Variants in PTPRD observed in about 807,000 individuals in gnomAD.
PTPRD encodes the protein receptor-type tyrosine-protein phosphatase delta.
PTPRD carries 34 observed loss-of-function variants against 214.5 expected under a neutral mutation model. The ratio of observed to expected loss-of-function variants is 0.16; its 90% confidence interval spans 0.12 to 0.21. The LOEUF (loss-of-function observed/expected upper bound fraction) is 0.21. PTPRD is among the 10% of genes least tolerant of loss of function. The pLI, the probability that PTPRD is intolerant of heterozygous loss-of-function variation, is 1.00. For missense variants in PTPRD, 2,545 were observed against 2,398.7 expected (o/e 1.06, Z -1.27); for synonymous variants, 1,128 against 845.7 (o/e 1.33, Z -5.79).
chr9:10,605,790 C>G (rs1392251159), intron 2 of PTPRD, among the ~76,000 whole-genome samples: 1 of 151,768 alleles, frequency 6.6e-6, no homozygotes, highest in Non-Finnish European at 1.5e-5. Context: ...TGGGTAGTTT[C>G]AAATTGCTAG....
At chr9:8,772,403 A>C (rs1297398942) in intron 11 of PTPRD, among the ~76,000 whole-genome samples, 3 of 152,116 alleles carry the variant, frequency 2.0e-5, no homozygotes, top group Non-Finnish European at 4.4e-5. Context: ...AAAGAAGTAC[A>C]GTTAAAAACC....
At chr9:8,853,258 T>G (rs1016737165) in intron 11 of PTPRD, among the ~76,000 whole-genome samples, 1 of 152,178 alleles carries the variant, frequency 6.6e-6, no homozygotes, top group African/African-American at 2.4e-5. Flanking sequence ...CATTTGCTCT[T>G]TGACCTTCCT....
intron 10 of PTPRD, among the ~76,000 whole-genome samples, chr9:9,081,480 G>C (rs1408773149): frequency 1.3e-5 from 2 of 152,068 alleles, no homozygotes; most frequent in Non-Finnish European, 2.9e-5. Context: ...TGTTGATTTT[G>C]GGTGGAGAAT....
intron 11 of PTPRD, among the ~76,000 whole-genome samples, chr9:8,836,302 G>C (rs958159852): frequency 7.2e-5 from 11 of 152,060 alleles, no homozygotes; most frequent in African/African-American, 2.7e-4. Context: ...CAAACTACAA[G>C]ATATGCTCTA....
In PTPRD at chr9:8,520,851, CT is replaced by C. The variant is rs554867477; in HGVS notation, c.961+425del. Among the ~76,000 whole-genome samples, 900 of 151,586 alleles carry C rather than the reference CT, an allele frequency of 5.9e-3. 10 individuals carry two copies. Among genetic ancestry groups the C allele is most frequent in the African/African-American group, 0.019 (795 of 41,380 alleles). Reference sequence around the variant, plus strand: ...TATTACTAGACTATGTTGATTTCAACTTTTTTTTTCTTCTTTTTCCTTTGTA... The same window carrying C: ...TATTACTAGACTATGTTGATTTCAACTTTTTTTTCTTCTTTTTCCTTTGTA... On this transcript the variant is annotated intron_variant, in intron 20 of 45. Transcript: ENST00000381196.
At chr9:9,863,774 CTT>C (rs1018520062) in intron 5 of PTPRD, among the ~76,000 whole-genome samples, 1 of 151,654 alleles carries the variant, frequency 6.6e-6, no homozygotes, top group Non-Finnish European at 1.5e-5. Flanking sequence ...AAGACACTCT[CTT>C]TTGTCTGTGA....
At chr9:8,496,211 A>AAAC (rs2097266839) in intron 26 of PTPRD, among the ~76,000 whole-genome samples, 83 of 91,520 alleles carry the variant, frequency 9.1e-4, no homozygotes, top group South Asian at 3.5e-3. Flanking sequence ...CACACACACA[A>AAAC]ACACACACAC....
intron 12 of PTPRD, among the ~76,000 whole-genome samples, chr9:8,707,980 C>T (rs921030035): frequency 3.9e-5 from 6 of 152,160 alleles, no homozygotes; most frequent in Middle Eastern, 3.4e-3. Flanking sequence ...TCAAACTTGC[C>T]CATGGATAAA....
At chr9:9,318,108 T>G (rs1964310599) in intron 9 of PTPRD, among the ~76,000 whole-genome samples, 1 of 151,108 alleles carries the variant, frequency 6.6e-6, no homozygotes, top group Non-Finnish European at 1.5e-5. Context: ...GATGCGGAGG[T>G]TGCAGTAAGC....
intron 2 of PTPRD, among the ~76,000 whole-genome samples, chr9:10,386,221 C>A (rs1422129899): frequency 1.3e-5 from 2 of 151,784 alleles, no homozygotes; most frequent in African/African-American, 4.8e-5. Flanking sequence ...GTGGAAGAAC[C>A]ACCAACACAC....
chr9:8,494,463 C>A (rs532959157), intron 26 of PTPRD, among the ~76,000 whole-genome samples: 1 of 152,110 alleles, frequency 6.6e-6, no homozygotes. Context: ...TACCCAAGAG[C>A]AGTATTTTAA....
intron 9 of PTPRD, among the ~76,000 whole-genome samples, chr9:9,248,175 C>A (rs572269268): frequency 1.3e-5 from 2 of 152,120 alleles, no homozygotes; most frequent in South Asian, 2.1e-4. Context: ...TCACTGCAAC[C>A]TTTAACTCCC....
intron 10 of PTPRD, among the ~76,000 whole-genome samples, chr9:9,167,092 G>A (rs765155439): frequency 3.9e-5 from 6 of 152,070 alleles, no homozygotes; most frequent in African/African-American, 1.4e-4. Context: ...TCACATTGTT[G>A]ACAAATAGTG....
intron 39 of PTPRD, among the ~76,000 whole-genome samples, chr9:8,372,387 A>C (rs1323836587): frequency 5.3e-5 from 8 of 152,034 alleles, no homozygotes; most frequent in Non-Finnish European, 1.0e-4. Context: ...CACTGTCTCA[A>C]GTGCTTTATA....
chr9:8,996,583 G>C (rs2099397660), intron 11 of PTPRD, among the ~76,000 whole-genome samples: 1 of 151,928 alleles, frequency 6.6e-6, no homozygotes, highest in African/African-American at 2.4e-5. Context: ...GAAATTTATT[G>C]CTCACAGTAA....
intron 5 of PTPRD, among the ~76,000 whole-genome samples, chr9:9,840,122 C>G (rs1376467739): frequency 6.6e-6 from 1 of 152,022 alleles, no homozygotes; most frequent in African/African-American, 2.4e-5. Context: ...ACTGCAACTT[C>G]CACCTCCCGG....
At chr9:9,233,407 G>C (rs2099964417) in intron 9 of PTPRD, among the ~76,000 whole-genome samples, 1 of 152,140 alleles carries the variant, frequency 6.6e-6, no homozygotes, top group Non-Finnish European at 1.5e-5. Flanking sequence ...AATTCAAGAT[G>C]AGATTTGGGT....
chr9:8,440,011 G>A (rs916940222), intron 34 of PTPRD, among the ~76,000 whole-genome samples: 1 of 139,994 alleles, frequency 7.1e-6, no homozygotes, highest in Non-Finnish European at 1.5e-5. Context: ...GTGGATGTGG[G>A]AGCTATATAT....
intron 11 of PTPRD, among the ~76,000 whole-genome samples, chr9:8,867,356 C>A (rs568772265): frequency 1.7e-4 from 26 of 152,130 alleles, no homozygotes; most frequent in Non-Finnish European, 3.5e-4. Flanking sequence ...CTGCCCTCCC[C>A]CTTGGCAAAG....
Sources: gnomAD v4.1 joint callset for allele counts (sites outside exome capture counted in the v4.1 genomes callset) on GRCh38, gnomAD v4.1.1 for gene constraint, MANE v1.5 for transcripts, NCBI Gene and HGNC (gene_info 2026-07-23, HGNC 2026-07-21) for gene names.